CDH4: variants seen among roughly 807,000 people sequenced by gnomAD.
CDH4 encodes cadherin-4.
CDH4 carries 33 observed loss-of-function variants against 86.0 expected under a neutral mutation model. The observed-to-expected ratio is 0.38, with a 90% CI of 0.29 to 0.51. CDH4 has a LOEUF of 0.51. CDH4 is among the 20% of genes least tolerant of loss of function. CDH4 has a pLI of 0.86. For synonymous variants in CDH4, 555 were observed against 549.4 expected (o/e 1.01, Z -0.14); for missense variants, 1,114 against 1,307.4 (o/e 0.85, Z 2.28).
At chr20:61,356,811 A>C (rs28705899) in intron 2 of CDH4, among the ~76,000 whole-genome samples, 22,562 of 152,278 alleles carry the variant, frequency 0.15, 2,191 homozygotes, top group East Asian at 0.37. Context: ...AGTTTTGGAT[A>C]CTTAGTTAAA....
chr20:61,589,605 C>T (rs2086502495), intron 2 of CDH4, among the ~76,000 whole-genome samples: 1 of 152,038 alleles, frequency 6.6e-6, no homozygotes, highest in Admixed American at 6.6e-5. Flanking sequence ...TGCTGAACAC[C>T]CACTCTGTGC....
intron 2 of CDH4, among the ~76,000 whole-genome samples, chr20:61,649,708 T>C (rs1409664253): frequency 3.3e-5 from 5 of 152,156 alleles, no homozygotes; most frequent in African/African-American, 1.2e-4. Flanking sequence ...GCAGAGCAGC[T>C]TGCAGGAAGC....
At chr20:61,336,441 A>G (rs1003212031) in intron 2 of CDH4, among the ~76,000 whole-genome samples, 7 of 151,980 alleles carry the variant, frequency 4.6e-5, no homozygotes, top group African/African-American at 1.7e-4. Context: ...CACCACGACC[A>G]TGCTTTCCCT....
At position 61,789,149 on chromosome 20, in the gene CDH4, G is replaced by C. The variant is rs2066424; in HGVS notation, c.576+15967G>C. The stretch of plus-strand genomic sequence containing the variant: ...GGTACCAACCCGGGGAAAAGTCCTC[G>C]AAGCTCTCTTGATGGCACTGGCTTT... On this transcript the variant is annotated intron_variant, in intron 4 of 15. Coordinates refer to ENST00000614565, the MANE Select transcript of CDH4 (RefSeq NM_001794.5). Among the ~76,000 whole-genome samples the C allele has an allele frequency of 2.0e-5, 3 of 151,984 alleles. No individual in the cohort carries two copies. In the East Asian group the frequency reaches 5.8e-4, roughly 29 times the overall value.
chr20:61,352,678 A>C (rs2084719688), intron 2 of CDH4, among the ~76,000 whole-genome samples: 1 of 152,100 alleles, frequency 6.6e-6, no homozygotes, highest in Non-Finnish European at 1.5e-5. Context: ...TTCTCCTTGG[A>C]TGGAGATGTT....
chr20:61,910,019 C>T (rs1055190449), intron 8 of CDH4, among the ~76,000 whole-genome samples: 15 of 152,252 alleles, frequency 9.9e-5, no homozygotes, highest in African/African-American at 3.4e-4. Context: ...AGTGGGGCCC[C>T]GGCAGCCGTG....
At chr20:61,828,137 C>A (rs1036993674) in intron 4 of CDH4, among the ~76,000 whole-genome samples, 1 of 152,080 alleles carries the variant, frequency 6.6e-6, no homozygotes, top group Admixed American at 6.6e-5. Context: ...ATTTTGTGAT[C>A]TTTAATGAAA....
At chr20:61,893,528 TAGAG>T (rs1242571863) in intron 7 of CDH4, among the ~76,000 whole-genome samples, 1 of 129,192 alleles carries the variant, frequency 7.7e-6, no homozygotes, top group Non-Finnish European at 1.6e-5. Context: ...GGTGGGCGAA[TAGAG>T]AGATGGTGGA....
intron 2 of CDH4, among the ~76,000 whole-genome samples, chr20:61,711,431 C>T (rs2087891873): frequency 1.3e-5 from 2 of 152,198 alleles, no homozygotes; most frequent in South Asian, 4.1e-4. Context: ...AGGCCTGGCT[C>T]CTTCTGGAGA....
intron 2 of CDH4, among the ~76,000 whole-genome samples, chr20:61,553,269 A>G (rs1487314251): frequency 6.6e-6 from 1 of 152,246 alleles, no homozygotes; most frequent in African/African-American, 2.4e-5. Flanking sequence ...ATTGGTTTCC[A>G]GAGAATAAGG....
chr20:61,321,590 T>G (rs1466600053), intron 2 of CDH4, among the ~76,000 whole-genome samples: 2 of 152,192 alleles, frequency 1.3e-5, no homozygotes, highest in Non-Finnish European at 2.9e-5. Flanking sequence ...CTGATGTATG[T>G]GCTGACACCT....
intron 7 of CDH4, among the ~76,000 whole-genome samples, chr20:61,887,274 CT>C (rs781503303): frequency 1.3e-5 from 2 of 152,324 alleles, no homozygotes; most frequent in South Asian, 4.1e-4. Context: ...CGGGGGTCCC[CT>C]GGGAGAGTTC....
chr20:61,279,054 G>A (rs943984429), intron 2 of CDH4, among the ~76,000 whole-genome samples: 3 of 152,200 alleles, frequency 2.0e-5, no homozygotes, highest in Admixed American at 6.5e-5. Flanking sequence ...CTTATTCTAA[G>A]ATCCTCCCCA....
chr20:61,546,004 G>C (rs2086079083), intron 2 of CDH4, among the ~76,000 whole-genome samples: 1 of 34,468 alleles, frequency 2.9e-5, no homozygotes, highest in Non-Finnish European at 5.9e-5. Flanking sequence ...GTGCATGTGT[G>C]GAGGGGGTAT....
chr20:61,461,480 A>G (rs1280978350), intron 2 of CDH4, among the ~76,000 whole-genome samples: 1 of 152,170 alleles, frequency 6.6e-6, no homozygotes, highest in African/African-American at 2.4e-5. Flanking sequence ...GCTGGAAGGA[A>G]GAGACTGAGG....
chr20:61,789,813 C>T (rs1053530168), intron 4 of CDH4, among the ~76,000 whole-genome samples: 4 of 152,130 alleles, frequency 2.6e-5, no homozygotes, highest in African/African-American at 4.8e-5. Context: ...TTGTCCTATG[C>T]GATCAATTGG....
At chr20:61,656,155 C>T (rs771950406) in intron 2 of CDH4, among the ~76,000 whole-genome samples, 3 of 151,862 alleles carry the variant, frequency 2.0e-5, no homozygotes, top group Non-Finnish European at 4.4e-5. Context: ...CATGCTCTTG[C>T]TTGGGATACA....
chr20:61,658,018 G>T (rs1360650446), intron 2 of CDH4, among the ~76,000 whole-genome samples: 1 of 151,986 alleles, frequency 6.6e-6, no homozygotes, highest in Non-Finnish European at 1.5e-5. Context: ...AAGGGAACAG[G>T]GCCCCACACA....
In CDH4 at chr20:61,934,040, C is replaced by G; in HGVS notation, c.2380-16C>G. 1 of 1,610,032 alleles carries G rather than the reference C, an allele frequency of 6.2e-7. No individual in the cohort carries two copies. The highest frequency in any genetic ancestry group is 8.5e-7 in the Non-Finnish European group (1 of 1,179,500). On this transcript the variant is annotated splice_polypyrimidine_tract_variant and intron_variant, in intron 14 of 15. Coordinates refer to ENST00000614565, the MANE Select transcript of CDH4 (RefSeq NM_001794.5). The stretch of plus-strand genomic sequence containing the variant: ...TTCTTCTGATGCCCCTGACTCCTCC[C>G]GGCTCCCTCCCCCAGGACTACGACC...
Sources: allele counts gnomAD v4.1 joint callset (sites outside exome capture counted in the v4.1 genomes callset), GRCh38; gene constraint gnomAD v4.1.1; transcripts MANE v1.5; gene names NCBI Gene and HGNC (gene_info 2026-07-23, HGNC 2026-07-21).